The following ENOSF1 variants were observed in gnomAD, a reference collection of about 807,000 sequenced individuals.
The protein encoded by ENOSF1 is mitochondrial enolase superfamily member 1.
A neutral mutation model predicts 68.2 loss-of-function variants in ENOSF1; 73 were observed. That is an observed-to-expected ratio of 1.07 (90% CI 0.89 to 1.30). The LOEUF is 1.30. Among genes scored for constraint, ENOSF1 ranks in the 50% most tolerant of loss-of-function variants. ENOSF1 has a pLI of 0.00. For missense variants in ENOSF1, 589 were observed against 554.5 expected (o/e 1.06, Z -0.62); for synonymous variants, 223 against 210.4 (o/e 1.06, Z -0.52).
intron 2 of ENOSF1, among the ~76,000 whole-genome samples, chr18:705,539 T>C (rs372414547): frequency 1.3e-5 from 2 of 151,676 alleles, no homozygotes; most frequent in East Asian, 3.9e-4. Context: ...AAAAGTTATG[T>C]TCTGTGTCTT....
intron 8 of ENOSF1, among the ~76,000 whole-genome samples, chr18:689,677 GTCTCTGCCCCCA>G (rs1431091228): frequency 1.3e-5 from 2 of 152,130 alleles, no homozygotes; most frequent in African/African-American, 4.8e-5. Flanking sequence ...TATATATTTT[GTCTCTGCCCCCA>G]TCGCTGCCCC....
At chr18:690,382 C>A (rs2077021283) in intron 8 of ENOSF1, among the ~76,000 whole-genome samples, 167 bp downstream of exon 8, 1 of 152,136 alleles carries the variant, frequency 6.6e-6, no homozygotes, top group Non-Finnish European at 1.5e-5. Context: ...AGCAGGACAC[C>A]CAGTTGGTGT....
At chr18:703,038 G>C (rs1420077947) in intron 2 of ENOSF1, among the ~76,000 whole-genome samples, 1 of 152,218 alleles carries the variant, frequency 6.6e-6, no homozygotes, top group African/African-American at 2.4e-5. Context: ...CATTTAGTGA[G>C]ACTGCAGTGA....
intron 1 of ENOSF1, among the ~76,000 whole-genome samples, chr18:707,394 T>C (rs1414275902): frequency 6.6e-6 from 1 of 152,144 alleles, no homozygotes. Context: ...CAAAGTTACA[T>C]TCACAAGCAG....
chr18:671,897 A>G lies in ENOSF1; in HGVS notation c.*2408T>C, dbSNP rs754272270. The G allele has an allele frequency of 2.3e-5, 4 of 172,444 alleles. No homozygotes were observed. Among genetic ancestry groups the G allele is most frequent in the Non-Finnish European group, 4.8e-5 (4 of 82,544 alleles). 10.7% of individuals were successfully genotyped at this position (172,444 alleles called of 1,614,324 possible). ...CGGGTTCAAGCAATTCTTCTGCCTCAGCCTCCCAGGTAGCTGGGATTACAG... is the reference window on the plus strand; with the variant it reads ...CGGGTTCAAGCAATTCTTCTGCCTCGGCCTCCCAGGTAGCTGGGATTACAG... On this transcript the variant is annotated 3_prime_UTR_variant, in exon 16 of 16. Coordinates refer to ENST00000647584, the MANE Select transcript of ENOSF1 (RefSeq NM_017512.7).
At chr18:676,391 T>TC (rs1401814628) in intron 14 of ENOSF1, among the ~76,000 whole-genome samples, 2 of 139,782 alleles carry the variant, frequency 1.4e-5, no homozygotes, top group East Asian at 4.4e-4. Flanking sequence ...TGGCACCCGT[T>TC]CCTTGGTGCT....
At chr18:695,310 C>A (rs1270663036) in intron 3 of ENOSF1, among the ~76,000 whole-genome samples, 1 of 152,194 alleles carries the variant, frequency 6.6e-6, no homozygotes, top group African/African-American at 2.4e-5. Context: ...ATCAATACTA[C>A]ATAAGTGATT....
chr18:675,400 A>G lies in ENOSF1; in HGVS notation c.1151T>C (p.Val384Ala), dbSNP rs1431156255. ...ATGCAGGTGGTCAACATACTCACAC[A>G]CCCTAGGAGGAGGGAATCAGATCGG... ...ISVSASLENR[V>A]CEYVDHLHEH... is the part of the protein sequence containing the mutation. The change falls in exon 15 of 16, where the codon GTG becomes GCG. Residue 384 changes from valine (V) to alanine (A), a missense_variant and splice_region_variant. Physicochemically the swap from Val to Ala is moderately conservative, Grantham distance 64. Transcript: ENST00000647584. 6.2e-7 allele frequency: 1 copy of G among 1,612,062 alleles called. No individual in the cohort carries two copies. Among genetic ancestry groups the G allele is most frequent in the East Asian group, 2.2e-5 (1 of 44,874 alleles).
chr18:707,051 TCAGGTGATCCACCTGCCTTGGCCTCCC>T (rs1479520272), intron 1 of ENOSF1, among the ~76,000 whole-genome samples: 1 of 152,066 alleles, frequency 6.6e-6, no homozygotes. Flanking sequence ...ACTCCTGACC[TCAGGTGATCCACCTGCCTTGGCCTCCC>T]AAAGTGCTGG....
Position 672,648 on chromosome 18 carries a change from C to G in ENOSF1, c.*1657G>C. On this transcript the variant is annotated 3_prime_UTR_variant, in exon 16 of 16. Coordinates refer to ENST00000647584, the MANE Select transcript of ENOSF1 (RefSeq NM_017512.7). ...CCAGGCTCCTGATGCTGTGTAATGTCACAAAATACCCCTCACTCTCGATCT... is the reference window on the plus strand; with the variant it reads ...CCAGGCTCCTGATGCTGTGTAATGTGACAAAATACCCCTCACTCTCGATCT... The G allele has an allele frequency of 2.4e-6, 1 of 415,096 alleles. No individual in the cohort carries two copies. The highest frequency in any genetic ancestry group is 3.5e-5 in the East Asian group (1 of 28,710). The allele number at this position is 415,096 out of a possible 1,614,324, so 25.7% of individuals were successfully genotyped here.
intron 1 of ENOSF1, among the ~76,000 whole-genome samples, chr18:708,517 A>C (rs2079176608): frequency 6.6e-6 from 1 of 152,158 alleles, no homozygotes; most frequent in South Asian, 2.1e-4. Flanking sequence ...AAATAAATAA[A>C]TAAAAAGACA....
intron 1 of ENOSF1, among the ~76,000 whole-genome samples, chr18:711,467 G>A (rs1416847888): frequency 6.6e-6 from 1 of 151,986 alleles, no homozygotes; most frequent in Non-Finnish European, 1.5e-5. Context: ...TAACATTGCC[G>A]TTCCTCACTT....
chr18:665,174 TG>T, the ENOSF1 span, among the ~76,000 whole-genome samples: 203 of 151,568 alleles, frequency 1.3e-3, no homozygotes, highest in Admixed American at 4.7e-3. Context: ...GGTAAGCTAT[TG>T]ATTATTGCCA....
At chr18:692,166 G>A (rs942745502) in intron 5 of ENOSF1, 4 of 152,216 alleles carry the variant, frequency 2.6e-5, no homozygotes, top group Non-Finnish European at 5.9e-5. Context: ...GCGGGGCCTC[G>A]TGCTGAGACC....
intron 11 of ENOSF1, among the ~76,000 whole-genome samples, chr18:680,847 ATTT>A (rs1168596604): frequency 2.4e-5 from 3 of 125,704 alleles, no homozygotes; most frequent in African/African-American, 9.0e-5. Flanking sequence ...CGCCCTGCTA[ATTT>A]TTTTTTTTTT....
chr18:688,703 T>C, intron 8 of ENOSF1, 95 bp from the exon 9 acceptor site: 4 of 1,136,134 alleles, frequency 3.5e-6, no homozygotes, highest in Non-Finnish European at 5.3e-6. Context: ...AGCATTACGG[T>C]TATAGCATAG....
chr18:669,296 A>C, downstream of ENOSF1: 1 of 247,954 alleles, frequency 4.0e-6, no homozygotes, highest in Non-Finnish European at 6.0e-6. Context: ...CACATGGTTG[A>C]TTGTGTGACG....
chr18:704,619 T>C (rs2078735371), intron 2 of ENOSF1, among the ~76,000 whole-genome samples: 1 of 149,998 alleles, frequency 6.7e-6, no homozygotes. Flanking sequence ...TTTCTTTTTT[T>C]TTTTGGGATG....
chr18:670,423 C>T lies in ENOSF1; in HGVS notation c.*3882G>A, dbSNP rs35069638. 10 of 374,674 alleles carry T rather than the reference C, an allele frequency of 2.7e-5. 1 individual carries two copies. The highest frequency in any genetic ancestry group is 1.0e-4 in the African/African-American group (5 of 48,390). The allele number at this position is 374,674 out of a possible 1,614,324, so 23.2% of individuals were successfully genotyped here. The stretch of plus-strand genomic sequence containing the variant: ...CTGCTGTATTTGTAATCTGGTGCCA[C>T]GAGGTAGCCCAGATCCCTTCAGCTC... On this transcript the variant is annotated 3_prime_UTR_variant, in exon 16 of 16. Coordinates refer to ENST00000647584, the MANE Select transcript of ENOSF1 (RefSeq NM_017512.7).
Sources: allele counts gnomAD v4.1 joint callset (sites outside exome capture counted in the v4.1 genomes callset), GRCh38; gene constraint gnomAD v4.1.1; transcripts MANE v1.5; gene names NCBI Gene and HGNC (gene_info 2026-07-23, HGNC 2026-07-21).